CREB5: variants seen among roughly 807,000 people sequenced by gnomAD.
CREB5 encodes the protein cyclic AMP-responsive element-binding protein 5.
A neutral mutation model predicts 57.1 loss-of-function variants in CREB5; 19 were observed. The observed-to-expected ratio is 0.33, with a 90% CI of 0.23 to 0.49. The LOEUF (loss-of-function observed/expected upper bound fraction) is 0.49, where lower values mean the gene tolerates loss of function less well. Among genes scored for constraint, CREB5 ranks in the 20% least tolerant of loss-of-function variants. The pLI is 0.99. For missense variants in CREB5, 579 were observed against 671.6 expected (o/e 0.86, Z 1.52); for synonymous variants, 238 against 238.3 (o/e 1.00, Z 0.01).
At chr7:28,351,817 C>A in intron 1 of CREB5, among the ~76,000 whole-genome samples, 1 of 151,982 alleles carries the variant, frequency 6.6e-6, no homozygotes. Context: ...TTATGTGGTC[C>A]ATATGCTATA....
intron 5 of CREB5, among the ~76,000 whole-genome samples, chr7:28,696,057 C>G (rs1054849926): frequency 2.1e-4 from 32 of 152,324 alleles, no homozygotes; most frequent in African/African-American, 7.7e-4. Context: ...TGACATCTGA[C>G]AGTGCAGTGG....
At chr7:28,807,191 G>A (rs533794334) in intron 8 of CREB5, among the ~76,000 whole-genome samples, 1 of 152,294 alleles carries the variant, frequency 6.6e-6, no homozygotes, top group South Asian at 2.1e-4. Flanking sequence ...GCTCACGCCT[G>A]TAATCTCAGC....
intron 1 of CREB5, among the ~76,000 whole-genome samples, chr7:28,310,396 C>A (rs1785255136): frequency 6.6e-6 from 1 of 152,152 alleles, no homozygotes; most frequent in Non-Finnish European, 1.5e-5. Context: ...TGTAGGAGCT[C>A]TGGACAGAAA....
chr7:28,306,566 T>TG (rs1785190699), intron 1 of CREB5, among the ~76,000 whole-genome samples: 15 of 130,862 alleles, frequency 1.1e-4, no homozygotes, highest in Admixed American at 8.5e-4. Context: ...TTTTTTTTTT[T>TG]TTTTTTTTTT....
intron 5 of CREB5, among the ~76,000 whole-genome samples, chr7:28,690,828 C>T (rs1801210927): frequency 6.6e-6 from 1 of 152,200 alleles, no homozygotes; most frequent in African/African-American, 2.4e-5. Context: ...CTTCTTCTTT[C>T]TCTAGCCTTT....
intron 7 of CREB5, among the ~76,000 whole-genome samples, chr7:28,773,831 T>A (rs1806473248): frequency 6.6e-6 from 1 of 152,204 alleles, no homozygotes. Flanking sequence ...CAGGGCTAAT[T>A]TTTAGTGAGG....
chr7:28,798,388 T>C (rs1808173461), intron 7 of CREB5, among the ~76,000 whole-genome samples: 1 of 81,842 alleles, frequency 1.2e-5, no homozygotes, highest in African/African-American at 5.3e-5. Flanking sequence ...GTGGGTGTGC[T>C]GCGTGTGTGC....
At chr7:28,377,931 C>CAAAAAAAAAAAAAAAAAAAAA (rs57930477) in intron 1 of CREB5, among the ~76,000 whole-genome samples, 1 of 112,394 alleles carries the variant, frequency 8.9e-6, no homozygotes, top group Non-Finnish European at 1.8e-5. Context: ...GACTCTATCT[C>CAAAAAAAAAAAAAAAAAAAAA]AAAAAAAAAA....
At chr7:28,567,172 C>A (rs1461898549) in intron 4 of CREB5, among the ~76,000 whole-genome samples, 1 of 152,122 alleles carries the variant, frequency 6.6e-6, no homozygotes, top group Non-Finnish European at 1.5e-5. Context: ...CCTTCATTGG[C>A]CCCTGTAACA....
chr7:28,703,295 G>C lies in CREB5; in HGVS notation c.465-15458G>C, dbSNP rs146900518. On this transcript the variant is annotated intron_variant, in intron 5 of 10. Coordinates refer to ENST00000357727, the MANE Select transcript of CREB5 (RefSeq NM_182898.4). ...ACTCCAGGTCTATTTTGGGGGTGGA[G>C]TGAATAGAACTTGGTGAATGATTAG... Among the ~76,000 whole-genome samples, 1,203 of 152,272 alleles carry C rather than the reference G, an allele frequency of 7.9e-3. 8 individuals are homozygous for C. Among genetic ancestry groups the C allele is most frequent in the Admixed American group, 0.015 (229 of 15,294 alleles).
At chr7:28,312,614 T>A (rs1387608170) in intron 1 of CREB5, among the ~76,000 whole-genome samples, 1 of 152,168 alleles carries the variant, frequency 6.6e-6, no homozygotes, top group Non-Finnish European at 1.5e-5. Context: ...GGCTTTTTCA[T>A]CTGTAAACAT....
intron 4 of CREB5, among the ~76,000 whole-genome samples, chr7:28,528,248 C>T (rs892260783): frequency 6.6e-6 from 1 of 152,188 alleles, no homozygotes; most frequent in Non-Finnish European, 1.5e-5. Context: ...AGCAGATCTT[C>T]CTGACATAGG....
At chr7:28,513,221 G>T (rs778885472) in intron 4 of CREB5, among the ~76,000 whole-genome samples, 6 of 152,214 alleles carry the variant, frequency 3.9e-5, no homozygotes, top group Admixed American at 2.0e-4. Flanking sequence ...GAGTGGTGCT[G>T]GATGGAAAAT....
At chr7:28,476,080 A>G (rs1170633890) in intron 1 of CREB5, among the ~76,000 whole-genome samples, 2 of 152,190 alleles carry the variant, frequency 1.3e-5, no homozygotes, top group African/African-American at 4.8e-5. Flanking sequence ...GAACAGACCA[A>G]ACCTACCCAA....
intron 1 of CREB5, among the ~76,000 whole-genome samples, chr7:28,347,785 G>A (rs945548813): frequency 6.6e-6 from 1 of 152,156 alleles, no homozygotes; most frequent in Non-Finnish European, 1.5e-5. Flanking sequence ...AGATTCAGCT[G>A]TAGCAGCATA....
intron 1 of CREB5, among the ~76,000 whole-genome samples, chr7:28,380,896 C>T (rs974389135): frequency 2.6e-5 from 4 of 152,178 alleles, no homozygotes; most frequent in Non-Finnish European, 4.4e-5. Flanking sequence ...TGAAAATACC[C>T]AGCACAGCAA....
chr7:28,329,182 C>G (rs1309582219), intron 1 of CREB5, among the ~76,000 whole-genome samples: 1 of 152,198 alleles, frequency 6.6e-6, no homozygotes, highest in African/African-American at 2.4e-5. Context: ...GGGGAAATTT[C>G]TCACAGAAAG....
chr7:28,462,124 G>A (rs1433772612), intron 1 of CREB5, among the ~76,000 whole-genome samples: 3 of 152,008 alleles, frequency 2.0e-5, no homozygotes, highest in Non-Finnish European at 4.4e-5. Context: ...CTGTCTGTTT[G>A]GGTTTGCCTA....
chr7:28,492,738 A>G (rs1339864495), intron 2 of CREB5, among the ~76,000 whole-genome samples: 1 of 148,580 alleles, frequency 6.7e-6, no homozygotes, highest in Non-Finnish European at 1.5e-5. Flanking sequence ...AAAATATAGT[A>G]TATTTAAAAT....
Sources: allele counts gnomAD v4.1 joint callset (sites outside exome capture counted in the v4.1 genomes callset), GRCh38; gene constraint gnomAD v4.1.1; transcripts MANE v1.5; gene names NCBI Gene and HGNC (gene_info 2026-07-23, HGNC 2026-07-21).